TIAM2: variants seen among roughly 807,000 people sequenced by gnomAD.
TIAM2 encodes rho guanine nucleotide exchange factor TIAM2.
TIAM2 carries 80 observed loss-of-function variants against 152.9 expected under a neutral mutation model. The observed-to-expected ratio is 0.52, with a 90% CI of 0.44 to 0.63. The LOEUF is 0.63. Ranked by LOEUF, TIAM2 falls within the 30% of genes least tolerant of loss-of-function variation. The pLI, the probability that TIAM2 is intolerant of heterozygous loss-of-function variation, is 0.00. For synonymous variants in TIAM2, 804 were observed against 838.0 expected, an observed-to-expected ratio of 0.96 and a Z score of 0.70; for missense variants, 1,965 against 2,120.1, an observed-to-expected ratio of 0.93 and a Z score of 1.44.
At chr6:155,040,395 G>A (rs964648597) in intron 1 of TIAM2, among the ~76,000 whole-genome samples, 2 of 152,194 alleles carry the variant, frequency 1.3e-5, no homozygotes, top group South Asian at 2.1e-4. Flanking sequence ...GCAACTTGCC[G>A]AATGTCAGGG....
rs528135175 is a variant in TIAM2 at position 155,052,224 on chromosome 6, A to G, written c.-208-38065A>G. 3.3e-5 allele frequency among the ~76,000 whole-genome samples: 5 copies of G among 152,330 alleles called. No individual in the cohort carries two copies. In the East Asian group the frequency reaches 5.8e-4, roughly 18 times the overall value. ...TGCTATACATACTTCATGAAGATGCAAAACAAAAATGCAGAATCTAATAAA... is the reference window on the plus strand; with the variant it reads ...TGCTATACATACTTCATGAAGATGCGAAACAAAAATGCAGAATCTAATAAA... On this transcript the variant is annotated intron_variant, in intron 1 of 26. Transcript: ENST00000682666.
chr6:154,999,300 T>C (rs1368547214), intron 1 of TIAM2, among the ~76,000 whole-genome samples: 1 of 152,094 alleles, frequency 6.6e-6, no homozygotes, highest in Non-Finnish European at 1.5e-5. Context: ...AACCTCCATC[T>C]CCTGAGTTCA....
chr6:155,040,942 AT>A (rs1243818834), intron 1 of TIAM2, among the ~76,000 whole-genome samples: 1 of 152,120 alleles, frequency 6.6e-6, no homozygotes, highest in East Asian at 1.9e-4. Context: ...TCATAAGAGA[AT>A]TTATTATAAT....
At chr6:155,216,809 C>T in intron 15 of TIAM2, 1 of 824,342 alleles carries the variant, frequency 1.2e-6, no homozygotes, top group South Asian at 2.1e-5. Flanking sequence ...CTGTGGTAAC[C>T]CGGTGCCTTT....
At chr6:155,128,090 C>T (rs1160698074) in intron 3 of TIAM2, among the ~76,000 whole-genome samples, 1 of 152,084 alleles carries the variant, frequency 6.6e-6, no homozygotes, top group Non-Finnish European at 1.5e-5. Flanking sequence ...TTGAGTTTGG[C>T]TTAACTAATA....
chr6:155,242,118 T>C (rs1783060526), intron 16 of TIAM2, among the ~76,000 whole-genome samples: 1 of 152,160 alleles, frequency 6.6e-6, no homozygotes, highest in Non-Finnish European at 1.5e-5. Flanking sequence ...ACCTGCACTT[T>C]GTTTTCTTAG....
Position 155,211,199 on chromosome 6 carries a change from T to C in TIAM2, c.3065-5T>C. The C allele has an allele frequency of 2.5e-6, 4 of 1,612,450 alleles. No homozygotes were observed. Among genetic ancestry groups the C allele is most frequent in the Non-Finnish European group, 3.4e-6 (4 of 1,178,774 alleles). On this transcript the variant is annotated splice_polypyrimidine_tract_variant and splice_region_variant and intron_variant, in intron 14 of 26. Coordinates refer to ENST00000682666, the MANE Select transcript of TIAM2 (RefSeq NM_012454.4). ...TCATATATGTTTTTGTCATTTTTTATGCAGATTTCAGCAACGTCCCTGATA... is the reference window on the plus strand; with the variant it reads ...TCATATATGTTTTTGTCATTTTTTACGCAGATTTCAGCAACGTCCCTGATA...
intron 14 of TIAM2, among the ~76,000 whole-genome samples, chr6:155,196,119 G>A (rs144187771): frequency 1.3e-5 from 2 of 152,312 alleles, no homozygotes; most frequent in Non-Finnish European, 2.9e-5. Context: ...TCACCCAGGC[G>A]AGAGGTGAGG....
At chr6:155,144,534 C>A in intron 5 of TIAM2, 72 bp from the exon 6 acceptor site, 2 of 1,388,974 alleles carry the variant, frequency 1.4e-6, no homozygotes, top group South Asian at 3.7e-5. Flanking sequence ...AAAAGTGTGT[C>A]ACTTACCCTC....
Position 155,091,991 on chromosome 6 carries a change from G to A in TIAM2, c.-118+1612G>A, listed in dbSNP as rs568003125. ...TGGCTCACTGCAACCTCGACCACCC[G>A]GGATCAAGCAGTCCTCCCACCTCAG... On this transcript the variant is annotated intron_variant, in intron 2 of 26. Transcript: ENST00000682666. Among the ~76,000 whole-genome samples, 3 of 152,028 alleles carry A rather than the reference G, an allele frequency of 2.0e-5. No homozygotes were observed. In the South Asian group the frequency reaches 6.2e-4, roughly 32 times the overall value.
intron 2 of TIAM2, among the ~76,000 whole-genome samples, chr6:155,099,242 G>A (rs1471623722): frequency 2.7e-4 from 41 of 151,766 alleles, no homozygotes; most frequent in Middle Eastern, 3.4e-3. Context: ...GTGTGTGTGT[G>A]TGTGTGTGTG....
intron 1 of TIAM2, among the ~76,000 whole-genome samples, chr6:155,089,597 G>A (rs889166011): frequency 1.6e-4 from 25 of 152,302 alleles, no homozygotes; most frequent in Non-Finnish European, 1.6e-4. Flanking sequence ...TCAAGACATG[G>A]TGTTTCTTCG....
chr6:155,164,356 C>T (rs763575600), intron 7 of TIAM2, 59 bp from the exon 8 acceptor site: 11 of 1,477,404 alleles, frequency 7.4e-6, no homozygotes, highest in East Asian at 2.3e-5. Flanking sequence ...ATCACATTTT[C>T]GTTTTAACCT....
chr6:155,021,039 G>T (rs1008771995), intron 1 of TIAM2, among the ~76,000 whole-genome samples: 1 of 152,128 alleles, frequency 6.6e-6, no homozygotes, highest in African/African-American at 2.4e-5. Context: ...GTTTATCTAT[G>T]TTGTAGCATG....
chr6:155,059,054 A>G (rs1777510458), intron 1 of TIAM2, among the ~76,000 whole-genome samples: 1 of 152,178 alleles, frequency 6.6e-6, no homozygotes, highest in African/African-American at 2.4e-5. Flanking sequence ...AACACTAGGA[A>G]ATTAACATTG....
intron 15 of TIAM2, among the ~76,000 whole-genome samples, chr6:155,226,748 A>G (rs1782262959): frequency 1.3e-5 from 2 of 152,268 alleles, no homozygotes; most frequent in African/African-American, 4.8e-5. Flanking sequence ...AGAACTCATA[A>G]TTTGCCTGCA....
Position 155,213,196 on chromosome 6 carries a change from C to T in TIAM2, c.3168+1889C>T, listed in dbSNP as rs1230397631. On this transcript the variant is annotated intron_variant, in intron 15 of 26. Transcript: ENST00000682666. This position sits in a 1 kb window ranked among gnomAD's most constrained non-coding sequence, Gnocchi z 4.2. Reference sequence around the variant, plus strand: ...TTAGGCAGGTCCCGAATTCTTGTCCCATGACCAGGAAGAAGGAGGTATGCG... The same window carrying T: ...TTAGGCAGGTCCCGAATTCTTGTCCTATGACCAGGAAGAAGGAGGTATGCG... Among the ~76,000 whole-genome samples the T allele has an allele frequency of 1.3e-5, 2 of 152,152 alleles. No homozygotes were observed. Among genetic ancestry groups the T allele is most frequent in the Non-Finnish European group, 1.5e-5 (1 of 68,038 alleles).
chr6:155,211,327 C>T lies in TIAM2; in HGVS notation c.3168+20C>T, dbSNP rs372876983. ...TTCAGGGTAAGATACTGGCCCAAATCGCAAACCAAGAACCAGGCAGGCGAG... is the reference window on the plus strand; with the variant it reads ...TTCAGGGTAAGATACTGGCCCAAATTGCAAACCAAGAACCAGGCAGGCGAG... On this transcript the variant is annotated intron_variant, in intron 15 of 26. Coordinates refer to ENST00000682666, the MANE Select transcript of TIAM2 (RefSeq NM_012454.4). 9.3e-6 allele frequency: 15 copies of T among 1,605,436 alleles called. No individual in the cohort carries two copies. Among genetic ancestry groups the T allele is most frequent in the Middle Eastern group, 3.3e-4 (2 of 6,062 alleles).
At chr6:155,020,851 T>C (rs1776464220) in intron 1 of TIAM2, among the ~76,000 whole-genome samples, 1 of 152,186 alleles carries the variant, frequency 6.6e-6, no homozygotes, top group Non-Finnish European at 1.5e-5. Context: ...TGTTTCATCT[T>C]GCAGAACTGA....
Sources: allele counts gnomAD v4.1 joint callset (sites outside exome capture counted in the v4.1 genomes callset), GRCh38; gene constraint gnomAD v4.1.1; non-coding constraint Gnocchi (gnomAD v3.1); transcripts MANE v1.5; gene names NCBI Gene and HGNC (gene_info 2026-07-23, HGNC 2026-07-21).